CELF2: variants seen among roughly 807,000 people sequenced by gnomAD.
CELF2 encodes the protein CUG triplet repeat RNA-binding protein 2.
A neutral mutation model predicts 62.6 loss-of-function variants in CELF2; 8 were observed. That is an observed-to-expected ratio of 0.13 (90% CI 0.07 to 0.23). CELF2 has a LOEUF of 0.23. Among genes scored for constraint, CELF2 ranks in the 10% least tolerant of loss-of-function variants. CELF2 has a pLI of 1.00. For synonymous variants in CELF2, 258 were observed against 250.0 expected (o/e 1.03, Z -0.30); for missense variants, 333 against 671.0 (o/e 0.50, Z 5.56).
chr10:10,788,101 T>C, the CELF2 span, among the ~76,000 whole-genome samples: 1 of 152,124 alleles, frequency 6.6e-6, no homozygotes, highest in East Asian at 1.9e-4. Context: ...GTGCAAGCCA[T>C]AAGGGAGAAA....
intron 1 of CELF2, among the ~76,000 whole-genome samples, chr10:10,836,675 G>A (rs573626474): frequency 6.6e-5 from 10 of 151,960 alleles, no homozygotes; most frequent in South Asian, 4.2e-4. Context: ...GGAGTCTCTC[G>A]CCCAGGCTGG....
At chr10:10,811,922 C>T (rs1293648618) in intron 1 of CELF2, among the ~76,000 whole-genome samples, 2 of 152,040 alleles carry the variant, frequency 1.3e-5, no homozygotes, top group Admixed American at 1.3e-4. Context: ...GAGAAAATCA[C>T]CATGTGCCCC....
At chr10:11,263,414 A>G (rs1428513099) in intron 5 of CELF2, among the ~76,000 whole-genome samples, 1 of 152,132 alleles carries the variant, frequency 6.6e-6, no homozygotes, top group East Asian at 1.9e-4. Flanking sequence ...AGAAAGAAGT[A>G]TGGCTTCATT....
the CELF2 span, among the ~76,000 whole-genome samples, chr10:10,747,601 C>T: frequency 6.6e-6 from 1 of 151,998 alleles, no homozygotes; most frequent in East Asian, 1.9e-4. Context: ...AGAGGATGCT[C>T]TGAGGATGGA....
intron 2 of CELF2, among the ~76,000 whole-genome samples, chr10:11,184,067 A>G (rs951065165): frequency 2.6e-5 from 4 of 152,174 alleles, no homozygotes; most frequent in African/African-American, 9.7e-5. Flanking sequence ...TCTTTGATCT[A>G]TTTTGAGTTA....
the CELF2 span, among the ~76,000 whole-genome samples, chr10:10,679,974 A>G: frequency 1.3e-5 from 2 of 152,212 alleles, no homozygotes; most frequent in Non-Finnish European, 2.9e-5. Flanking sequence ...CTGAGATATT[A>G]TAAATACAGA....
At chr10:11,198,849 T>A (rs2058577561) in intron 2 of CELF2, among the ~76,000 whole-genome samples, 1 of 152,232 alleles carries the variant, frequency 6.6e-6, no homozygotes, top group Non-Finnish European at 1.5e-5. Flanking sequence ...TATAGACTGT[T>A]AGTGATGTTT....
chr10:10,981,442 C>A (rs74648482), intron 2 of CELF2, among the ~76,000 whole-genome samples: 4,012 of 152,236 alleles, frequency 0.026, 83 homozygotes, highest in Middle Eastern at 0.068. Context: ...TTGAAGAATC[C>A]GCAGCGACGG....
At chr10:11,112,431 G>A (rs892608849) in intron 1 of CELF2, among the ~76,000 whole-genome samples, 3 of 152,308 alleles carry the variant, frequency 2.0e-5, no homozygotes, top group African/African-American at 4.8e-5. Flanking sequence ...TCCTAGTGAC[G>A]TATATGTACA....
At position 11,299,715 on chromosome 10, in the gene CELF2, G is replaced by A. The variant is rs553968061; in HGVS notation, c.976+11163G>A. ...TGAAATGACAGCGCCACCGCACCAC[G>A]AGACAGTCCATATTCTAAGCAGGAA... On this transcript the variant is annotated intron_variant, in intron 9 of 12. Coordinates refer to ENST00000633077, the MANE Select transcript of CELF2 (RefSeq NM_001326342.2). Among the ~76,000 whole-genome samples, 429 of 152,264 alleles carry A rather than the reference G, an allele frequency of 2.8e-3. 1 individual carries two copies. Among genetic ancestry groups the A allele is most frequent in the African/African-American group, 1.0e-2 (414 of 41,536 alleles).
At chr10:11,212,596 A>G (rs904221015) in intron 2 of CELF2, among the ~76,000 whole-genome samples, 1 of 152,098 alleles carries the variant, frequency 6.6e-6, no homozygotes, top group Non-Finnish European at 1.5e-5. Context: ...TAAGACTGTG[A>G]TATTTGGTTC....
chr10:11,221,210 C>T (rs1371868777), intron 3 of CELF2, among the ~76,000 whole-genome samples: 1 of 152,168 alleles, frequency 6.6e-6, no homozygotes, highest in Non-Finnish European at 1.5e-5. Context: ...TTTGGTTGCA[C>T]CTGCTTTGAT....
rs943846165 is a variant in CELF2 at position 11,280,280 on chromosome 10, C to T, written c.841+5160C>T. Reference sequence around the variant, plus strand: ...ATAAGGGGAGTTGCAGGAGAGGCCCCGCGCCCCATCCAGGAGCAGGCCTGC... The same window carrying T: ...ATAAGGGGAGTTGCAGGAGAGGCCCTGCGCCCCATCCAGGAGCAGGCCTGC... On this transcript the variant is annotated intron_variant, in intron 8 of 12. Transcript: ENST00000633077. This position sits in a 1 kb window ranked among gnomAD's most constrained non-coding sequence, Gnocchi z 7.6. Among the ~76,000 whole-genome samples the T allele has an allele frequency of 2.6e-5, 4 of 152,192 alleles. No individual in the cohort carries two copies. Among genetic ancestry groups the T allele is most frequent in the Non-Finnish European group, 4.4e-5 (3 of 68,018 alleles).
rs60798946 is a variant in CELF2, at chr10:11,280,989, C to CGTGTGTGTGTGT, written c.841+5890_841+5901dup. On this transcript the variant is annotated intron_variant, in intron 8 of 12. Coordinates refer to ENST00000633077, the MANE Select transcript of CELF2 (RefSeq NM_001326342.2). The surrounding 1 kb of genome is among the most constrained non-coding windows in gnomAD (Gnocchi z 7.6). The stretch of plus-strand genomic sequence containing the variant: ...TGGCGTGCGTGTGCATGCCTGTGTG[C>CGTGTGTGTGTGT]GTGTGTGTGTGTGTGTGTGTGTGTG... Among the ~76,000 whole-genome samples the CGTGTGTGTGTGT allele has an allele frequency of 0.03, 4,279 of 144,452 alleles. 177 individuals are homozygous for CGTGTGTGTGTGT. Among genetic ancestry groups the CGTGTGTGTGTGT allele is most frequent in the African/African-American group, 0.088 (3,433 of 38,912 alleles). 94.8% of individuals were successfully genotyped at this position (144,452 alleles called of 152,430 possible). A position where few individuals can be genotyped will look rare whatever the true frequency, so the allele number is the denominator to read the frequency against.
intron 7 of CELF2, among the ~76,000 whole-genome samples, chr10:11,273,071 C>T (rs541639915): frequency 2.6e-5 from 4 of 152,190 alleles, no homozygotes; most frequent in South Asian, 2.1e-4. Flanking sequence ...TTTCTGTGTG[C>T]GTGAGAGTAT....
chr10:11,219,899 G>A (rs1453107983), intron 3 of CELF2, among the ~76,000 whole-genome samples: 1 of 152,188 alleles, frequency 6.6e-6, no homozygotes, highest in Non-Finnish European at 1.5e-5. Context: ...GTGATGTGAA[G>A]GCACAACTTA....
In CELF2 at chr10:11,264,431, G is replaced by A. The variant is rs759020663; in HGVS notation, c.539-2167G>A. Among the ~76,000 whole-genome samples, 38 of 152,358 alleles carry A rather than the reference G, an allele frequency of 2.5e-4. No individual in the cohort carries two copies. The Middle Eastern group carries it at 0.014, about 55-fold the overall frequency. On this transcript the variant is annotated intron_variant, in intron 5 of 12. Transcript: ENST00000633077. ...ATGGTGCTGGATAATAAGAGCAAAT[G>A]AAGTGAATACAGCAATCTTCTTGAC...
At chr10:10,779,845 G>T in the CELF2 span, among the ~76,000 whole-genome samples, 2 of 151,534 alleles carry the variant, frequency 1.3e-5, no homozygotes, top group South Asian at 4.2e-4. Context: ...GAACTCATTG[G>T]CCTGAAAGCT....
At chr10:11,093,985 A>G (rs551642486) in intron 1 of CELF2, among the ~76,000 whole-genome samples, 26 of 152,222 alleles carry the variant, frequency 1.7e-4, no homozygotes, top group Non-Finnish European at 3.5e-4. Flanking sequence ...CATTTCTGCT[A>G]ATGGTATTAC....
Sources: allele counts gnomAD v4.1 joint callset (sites outside exome capture counted in the v4.1 genomes callset), GRCh38; gene constraint gnomAD v4.1.1; non-coding constraint Gnocchi (gnomAD v3.1); transcripts MANE v1.5; gene names NCBI Gene and HGNC (gene_info 2026-07-23, HGNC 2026-07-21).